PARPBP: variants seen among roughly 807,000 people sequenced by gnomAD.
The protein encoded by PARPBP is PARP1 binding protein, also known as PCNA-interacting partner.
Under a neutral mutation model 50.0 loss-of-function variants are expected in PARPBP, and 52 were observed. The observed-to-expected ratio is 1.04, with a 90% CI of 0.83 to 1.31. The LOEUF is 1.31. Among genes scored for constraint, PARPBP ranks in the 50% most tolerant of loss-of-function variants. PARPBP has a pLI of 0.00. For missense variants in PARPBP, 697 were observed against 672.0 expected, an observed-to-expected ratio of 1.04 and a Z score of -0.41; for synonymous variants, 244 against 232.1, an observed-to-expected ratio of 1.05 and a Z score of -0.47.
intron 2 of PARPBP, among the ~76,000 whole-genome samples, chr12:102,128,080 T>C (rs561197444): frequency 3.9e-5 from 6 of 152,304 alleles, no homozygotes; most frequent in South Asian, 2.1e-4. Context: ...AACAGTGTTA[T>C]TAACTAGCAA....
rs1415454995 is a variant in PARPBP at position 102,153,873 on chromosome 12, AACT to A, written c.396_398del (p.Leu133del). 4 of 1,573,494 alleles carry A rather than the reference AACT, an allele frequency of 2.5e-6. No homozygotes were observed. The highest frequency in any genetic ancestry group is 3.5e-6 in the Non-Finnish European group (4 of 1,143,382). On this transcript the variant is annotated inframe_deletion, in exon 4 of 11. Transcript: ENST00000327680. Reference sequence around the variant, plus strand: ...AATACTCTATGTTTTCTACAGAGTCAACTACTGGATTTTCTGTCTGGCAAACAG... The same window carrying A: ...AATACTCTATGTTTTCTACAGAGTCAACTGGATTTTCTGTCTGGCAAACAG...
intron 7 of PARPBP, 125 bp downstream of exon 7, chr12:102,175,791 T>C (rs754221158): frequency 1.7e-5 from 10 of 593,556 alleles, no homozygotes; most frequent in East Asian, 3.0e-5. Flanking sequence ...TAAAATGATA[T>C]TGAAAATGTA....
chr12:102,195,978 C>G lies in PARPBP; in HGVS notation c.1427C>G (p.Ser476Ter), dbSNP rs1891275509. 1.2e-6 allele frequency: 2 copies of G among 1,604,178 alleles called. No individual in the cohort carries two copies. The highest frequency in any genetic ancestry group is 1.7e-6 in the Non-Finnish European group (2 of 1,175,720). The change falls in exon 11 of 11, where the codon TCA becomes TGA. Residue 476 changes from serine (S) to a stop codon, truncating the protein, a stop_gained. Coordinates refer to ENST00000327680, the MANE Select transcript of PARPBP (RefSeq NM_017915.5). LOFTEE classifies it low-confidence loss of function (END_TRUNC). ...GGTGTAAATCCATCTGTTGGAAGAT[C>G]AACAATTGGAACGAGTTTTGGAAAT... is the stretch of plus-strand genomic sequence containing the variant. ...SEGVNPSVGR[S>*]TIGTSFGNVH...
intron 5 of PARPBP, 131 bp downstream of exon 5, chr12:102,164,739 C>T: frequency 1.3e-6 from 1 of 752,930 alleles, no homozygotes; most frequent in Non-Finnish European, 2.2e-6. Context: ...TTTGAAAATC[C>T]ATGGTATTTT....
intron 9 of PARPBP, among the ~76,000 whole-genome samples, chr12:102,191,755 A>T (rs1210375030): frequency 1.3e-5 from 2 of 152,164 alleles, no homozygotes; most frequent in African/African-American, 4.8e-5. Flanking sequence ...TATGCTGTGG[A>T]TAGAAATATT....
intron 2 of PARPBP, among the ~76,000 whole-genome samples, chr12:102,143,370 C>T (rs921650770): frequency 1.3e-5 from 2 of 152,144 alleles, no homozygotes; most frequent in Admixed American, 6.5e-5. Flanking sequence ...CCCGATTTTC[C>T]AGGTACCATC....
At chr12:102,184,339 A>G (rs1890123209) in intron 9 of PARPBP, among the ~76,000 whole-genome samples, 1 of 152,146 alleles carries the variant, frequency 6.6e-6, no homozygotes, top group Non-Finnish European at 1.5e-5. Flanking sequence ...AAACAATCCA[A>G]TTGGATTTTC....
intron 2 of PARPBP, 31 bp from the exon 3 acceptor site, chr12:102,148,199 T>TG (rs1491174795): frequency 4.9e-6 from 1 of 203,000 alleles, no homozygotes; most frequent in Non-Finnish European, 8.1e-6. Flanking sequence ...CCCAACTTTA[T>TG]TTTTTTTTTT....
chr12:102,175,720 A>G (rs1314570224), intron 7 of PARPBP, 54 bp downstream of exon 7: 2 of 1,130,642 alleles, frequency 1.8e-6, no homozygotes, highest in Admixed American at 2.5e-5. Context: ...TATCTCTTCT[A>G]TTTATTGTAG....
At chr12:102,134,095 G>C (rs1883261610) in intron 2 of PARPBP, among the ~76,000 whole-genome samples, 1 of 150,296 alleles carries the variant, frequency 6.7e-6, no homozygotes, top group African/African-American at 2.4e-5. Context: ...AGAAGGAAGA[G>C]AATAATAAAG....
chr12:102,158,168 A>G (rs1272281525), intron 4 of PARPBP, among the ~76,000 whole-genome samples: 1 of 148,174 alleles, frequency 6.7e-6, no homozygotes, highest in Non-Finnish European at 1.5e-5. Context: ...TAATTCTGTT[A>G]TGTCTTTACA....
At chr12:102,130,967 G>A (rs1882768255) in intron 2 of PARPBP, among the ~76,000 whole-genome samples, 1 of 152,010 alleles carries the variant, frequency 6.6e-6, no homozygotes. Context: ...CAACATCACT[G>A]ATCATTAAAA....
intron 6 of PARPBP, among the ~76,000 whole-genome samples, chr12:102,169,590 A>C (rs1037876055): frequency 6.6e-6 from 1 of 152,030 alleles, no homozygotes; most frequent in Non-Finnish European, 1.5e-5. Context: ...TCCTATAGCT[A>C]CTATTTTATT....
At chr12:102,145,623 C>A (rs150559446) in intron 2 of PARPBP, among the ~76,000 whole-genome samples, 2,571 of 152,188 alleles carry the variant, frequency 0.017, 68 homozygotes, top group African/African-American at 0.06. Context: ...AGCATGCAAA[C>A]ATGTTGGTAA....
At chr12:102,154,506 A>G (rs758596674) in intron 4 of PARPBP, among the ~76,000 whole-genome samples, 7 of 152,216 alleles carry the variant, frequency 4.6e-5, no homozygotes, top group Non-Finnish European at 7.3e-5. Flanking sequence ...TAACCATAGT[A>G]GTAGTACTTA....
chr12:102,151,539 A>G (rs1886204904), intron 3 of PARPBP: 2 of 1,498,904 alleles, frequency 1.3e-6, no homozygotes, highest in Non-Finnish European at 1.8e-6. Flanking sequence ...ATGCCTGCAC[A>G]CTTTTTAGGA....
At chr12:102,190,013 C>T (rs1445891941) in intron 9 of PARPBP, among the ~76,000 whole-genome samples, 1 of 152,094 alleles carries the variant, frequency 6.6e-6, no homozygotes, top group African/African-American at 2.4e-5. Context: ...TTACTCTGAA[C>T]ATATTTTTCT....
intron 7 of PARPBP, among the ~76,000 whole-genome samples, 165 bp downstream of exon 7, chr12:102,175,831 A>G (rs1249456110): frequency 6.6e-6 from 1 of 152,198 alleles, no homozygotes; most frequent in African/African-American, 2.4e-5. Flanking sequence ...GTAGGATTAC[A>G]TGTTCAACTT....
In PARPBP at chr12:102,164,449, A is replaced by G; in HGVS notation, c.507A>G (p.Leu169=). Residue 169 remains leucine, a synonymous_variant, in exon 5 of 11, where the codon CTA becomes CTG. Coordinates refer to ENST00000327680, the MANE Select transcript of PARPBP (RefSeq NM_017915.5). ...YNRDNEKVQL[L]ARKIIFSYLN... ...ATTTTATTGCACAGGTGCAGCTGCTAGCAAGGAAAATTATCTTTTCATATT... is the reference window on the plus strand; with the variant it reads ...ATTTTATTGCACAGGTGCAGCTGCTGGCAAGGAAAATTATCTTTTCATATT... The G allele has an allele frequency of 5.0e-6, 8 of 1,611,492 alleles. No individual in the cohort carries two copies. The highest frequency in any genetic ancestry group is 6.8e-6 in the Non-Finnish European group (8 of 1,178,042).
Sources: gnomAD v4.1 joint callset for allele counts (sites outside exome capture counted in the v4.1 genomes callset) on GRCh38, gnomAD v4.1.1 for gene constraint, MANE v1.5 for transcripts, NCBI Gene and HGNC (gene_info 2026-07-23, HGNC 2026-07-21) for gene names.